The following TMEM184C variants were observed in gnomAD, a reference collection of about 807,000 sequenced individuals.
The protein encoded by TMEM184C is transmembrane protein 34.
TMEM184C carries 25 observed loss-of-function variants against 54.5 expected under a neutral mutation model. That is an observed-to-expected ratio of 0.46 (90% CI 0.33 to 0.64). The LOEUF (loss-of-function observed/expected upper bound fraction) is 0.64. TMEM184C is among the 30% of genes least tolerant of loss of function. The pLI is 0.02. For synonymous variants in TMEM184C, 148 were observed against 181.5 expected, an observed-to-expected ratio of 0.82 and a Z score of 1.49; for missense variants, 335 against 520.3, an observed-to-expected ratio of 0.64 and a Z score of 3.46.
rs1001705919 is a variant in TMEM184C at position 147,635,644 on chromosome 4, T to G, written c.*1210T>G. 12 of 152,284 alleles carry G rather than the reference T, an allele frequency of 7.9e-5. No individual in the cohort carries two copies. The highest frequency in any genetic ancestry group is 1.9e-4 in the East Asian group (1 of 5,194). The allele number at this position is 152,284 out of a possible 1,614,324, so 9.4% of individuals were successfully genotyped here. On this transcript the variant is annotated 3_prime_UTR_variant, in exon 10 of 10. Coordinates refer to ENST00000296582, the MANE Select transcript of TMEM184C (RefSeq NM_018241.3). Reference sequence around the variant, plus strand: ...ATCTATCTATATATATAGAGAGAGATAGTGGTTCACAGTAATCATACAAAG... The same window carrying G: ...ATCTATCTATATATATAGAGAGAGAGAGTGGTTCACAGTAATCATACAAAG...
chr4:147,626,507 T>A (rs1055825342), intron 4 of TMEM184C, among the ~76,000 whole-genome samples: 1 of 152,230 alleles, frequency 6.6e-6, no homozygotes, highest in Non-Finnish European at 1.5e-5. Context: ...AGTGTAGACA[T>A]ACAACATAAG....
Position 147,635,380 on chromosome 4 carries a change from C to CTGAA in TMEM184C, c.*949_*952dup. 1 of 152,228 alleles carries CTGAA rather than the reference C, an allele frequency of 6.6e-6. No individual in the cohort carries two copies. The highest frequency in any genetic ancestry group is 6.5e-5 in the Admixed American group (1 of 15,288). 9.4% of individuals were successfully genotyped at this position (152,228 alleles called of 1,614,324 possible). A position where few individuals can be genotyped will look rare whatever the true frequency, so the allele number is the denominator to read the frequency against. ...AGGTGGCAGCAAATGTAAATCTTGG[C>CTGAA]TGAATGGTCTTAATTACTCATTAAA... On this transcript the variant is annotated 3_prime_UTR_variant, in exon 10 of 10. Transcript: ENST00000296582.
chr4:147,631,242 T>C, intron 6 of TMEM184C, 151 bp from the exon 7 acceptor site: 1 of 547,414 alleles, frequency 1.8e-6, no homozygotes, highest in Non-Finnish European at 3.1e-6. Flanking sequence ...TATAGTAAAC[T>C]ATGAAAGCTT....
At chr4:147,629,560 T>C (rs1269197061) in intron 5 of TMEM184C, 39 bp from the exon 6 acceptor site, 11 of 1,488,220 alleles carry the variant, frequency 7.4e-6, no homozygotes, top group Non-Finnish European at 1.0e-5. Flanking sequence ...AAGTACGATT[T>C]TGATTTAATC....
rs776181719 is a variant in TMEM184C at position 147,634,299 on chromosome 4, C to G, written c.1182C>G (p.Pro394=). 6.2e-7 allele frequency: 1 copy of G among 1,614,180 alleles called. No homozygotes were observed. ...ISIASSMPPS[P]MGHYQGFGHT... ...TTGCTTCTTCTATGCCACCTTCACC[C>G]ATGGGTCACTACCAAGGGTTTGGAC... Residue 394 remains proline, a synonymous_variant, in exon 10 of 10, where the codon CCC becomes CCG. Transcript: ENST00000296582.
intron 6 of TMEM184C, among the ~76,000 whole-genome samples, chr4:147,630,973 T>G (rs1269262485): frequency 6.6e-6 from 1 of 152,108 alleles, no homozygotes; most frequent in Non-Finnish European, 1.5e-5. Flanking sequence ...ATAGTCACAA[T>G]TTTATTGAAA....
chr4:147,631,460 T>C lies in TMEM184C; in HGVS notation c.734T>C (p.Val245Ala), dbSNP rs1732915509. 1.9e-6 allele frequency: 3 copies of C among 1,608,350 alleles called. No homozygotes were observed. Among genetic ancestry groups the C allele is most frequent in the East Asian group, 2.2e-5 (1 of 44,718 alleles). ...LKEELSPIQP[V>A]GKFLCVKLVV... The stretch of plus-strand genomic sequence containing the variant: ...GAAGAACTGAGCCCAATCCAACCTG[T>C]TGGCAAATTTCTTTGTGTAAAGCTG... Residue 245 changes from valine (V) to alanine (A), a missense_variant, in exon 7 of 10, where the codon GTT (valine) becomes GCT (alanine). Physicochemically the swap from Val to Ala is moderately conservative, Grantham distance 64. Coordinates refer to ENST00000296582, the MANE Select transcript of TMEM184C (RefSeq NM_018241.3).
intron 5 of TMEM184C, 62 bp downstream of exon 5, chr4:147,628,497 C>T: frequency 1.5e-6 from 2 of 1,356,724 alleles, no homozygotes; most frequent in South Asian, 2.4e-5. Flanking sequence ...GTGGGAACAA[C>T]TAAGTAGAAA....
Position 147,618,030 on chromosome 4 carries a change from C to A in TMEM184C, c.74C>A (p.Ser25Ter). 6.2e-7 allele frequency: 1 copy of A among 1,614,136 alleles called. No homozygotes were observed. The highest frequency in any genetic ancestry group is 1.1e-5 in the South Asian group (1 of 91,070). Residue 25 changes from serine to a stop codon, truncating the protein, a stop_gained, in exon 1 of 10, where the codon TCA (serine) becomes TAA (stop). Coordinates refer to ENST00000296582, the MANE Select transcript of TMEM184C (RefSeq NM_018241.3). LOFTEE classifies it high-confidence loss of function. ...TTAGTAGCGGTCATCTACCTGGTGT[C>A]AATAGTGGTTGCGGTTCCCCTATGC... is the stretch of plus-strand genomic sequence containing the variant. ...RPLVAVIYLV[S>*]IVVAVPLCVW...
chr4:147,631,607 A>G, intron 7 of TMEM184C, 102 bp downstream of exon 7: 1 of 791,950 alleles, frequency 1.3e-6, no homozygotes, highest in South Asian at 1.7e-5. Flanking sequence ...AGATAGATTA[A>G]AATGTCTCTA....
chr4:147,633,999 G>C, intron 9 of TMEM184C, 63 bp downstream of exon 9: 1 of 1,553,868 alleles, frequency 6.4e-7, no homozygotes. Flanking sequence ...TCTCCTACTA[G>C]GGCAATTTAT....
chr4:147,627,245 TA>T (rs1732831467), intron 4 of TMEM184C, among the ~76,000 whole-genome samples: 1 of 152,168 alleles, frequency 6.6e-6, no homozygotes, highest in African/African-American at 2.4e-5. Context: ...AGAAACCATT[TA>T]TAGGATATTA....
At chr4:147,622,604 G>T (rs1329432381) in intron 1 of TMEM184C, among the ~76,000 whole-genome samples, 2 of 151,878 alleles carry the variant, frequency 1.3e-5, no homozygotes, top group African/African-American at 4.8e-5. Flanking sequence ...ATATAAGTGG[G>T]GACTACTGTA....
chr4:147,624,777 A>G (rs1214166654), intron 3 of TMEM184C, 27 bp from the exon 4 acceptor site: 7 of 1,605,958 alleles, frequency 4.4e-6, no homozygotes, highest in African/African-American at 1.3e-5. Context: ...AGCTGCAACT[A>G]TCTTTAACAT....
In TMEM184C at chr4:147,636,018, T is replaced by G. The variant is rs947017100; in HGVS notation, c.*1584T>G. ...AAATAAATGGAAAGGTATCCCGTGC[T>G]CATGGATCAGAATAATACTGTTAAA... On this transcript the variant is annotated 3_prime_UTR_variant, in exon 10 of 10. Transcript: ENST00000296582. The G allele has an allele frequency of 5.3e-5, 8 of 152,124 alleles. No individual in the cohort carries two copies. The highest frequency in any genetic ancestry group is 1.9e-4 in the African/African-American group (8 of 41,436). 9.4% of individuals were successfully genotyped at this position (152,124 alleles called of 1,614,324 possible).
chr4:147,621,374 C>T (rs995579565), intron 1 of TMEM184C, among the ~76,000 whole-genome samples: 1 of 151,988 alleles, frequency 6.6e-6, no homozygotes, highest in Non-Finnish European at 1.5e-5. Context: ...CCTAAAGTTA[C>T]CCATGAAAAA....
intron 3 of TMEM184C, 78 bp downstream of exon 3, chr4:147,624,176 G>C: frequency 7.8e-7 from 1 of 1,276,560 alleles, no homozygotes; most frequent in South Asian, 1.3e-5. Flanking sequence ...TTAAGATAAT[G>C]AAAGTATGTT....
At chr4:147,631,746 T>G (rs906007685) in intron 7 of TMEM184C, among the ~76,000 whole-genome samples, 2 of 152,198 alleles carry the variant, frequency 1.3e-5, no homozygotes, top group Non-Finnish European at 2.9e-5. Context: ...ACTAGAATAA[T>G]TATTAAAATA....
chr4:147,624,501 A>G (rs1235948816), intron 3 of TMEM184C, among the ~76,000 whole-genome samples: 1 of 152,216 alleles, frequency 6.6e-6, no homozygotes, highest in Non-Finnish European at 1.5e-5. Flanking sequence ...AGCATTATCT[A>G]TGATCATATT....
Sources: allele counts gnomAD v4.1 joint callset (sites outside exome capture counted in the v4.1 genomes callset), GRCh38; gene constraint gnomAD v4.1.1; transcripts MANE v1.5; gene names NCBI Gene and HGNC (gene_info 2026-07-23, HGNC 2026-07-21).